Variants in SKI observed in about 807,000 individuals in gnomAD.
SKI encodes the protein SKI proto-oncogene, also known as ski oncogene.
A neutral mutation model predicts 59.3 loss-of-function variants in SKI; 23 were observed. The ratio of observed to expected loss-of-function variants is 0.39; its 90% confidence interval spans 0.28 to 0.55. The LOEUF is 0.55. Among genes scored for constraint, SKI ranks in the 20% least tolerant of loss-of-function variants. The probability of loss-of-function intolerance (pLI) is 0.67; values close to 1 mark genes in which losing one functional copy is unlikely to be tolerated. For missense variants in SKI, 1,017 were observed against 1,038.9 expected (o/e 0.98, Z 0.29); for synonymous variants, 673 against 488.6 (o/e 1.38, Z -4.98).
chr1:2,293,272 G>A (rs966133774), intron 1 of SKI, among the ~76,000 whole-genome samples: 2 of 152,208 alleles, frequency 1.3e-5, no homozygotes, highest in African/African-American at 2.4e-5. Flanking sequence ...CCTGAGGTTC[G>A]TGGTGGGATC....
At chr1:2,277,562 T>A (rs1639770416) in intron 1 of SKI, among the ~76,000 whole-genome samples, 1 of 152,214 alleles carries the variant, frequency 6.6e-6, no homozygotes, top group African/African-American at 2.4e-5. Context: ...CATGTGGAAC[T>A]GTAAGTCCAA....
rs1639580282 is a variant in SKI at position 2,269,906 on chromosome 1, TGGGTCTGGC to T, written c.970-33063_970-33055del. Among the ~76,000 whole-genome samples, 1 of 100,594 alleles carries T rather than the reference TGGGTCTGGC, an allele frequency of 9.9e-6. No homozygotes were observed. The highest frequency in any genetic ancestry group is 9.9e-5 in the Admixed American group (1 of 10,074). 66.0% of individuals were successfully genotyped at this position (100,594 alleles called of 152,430 possible). ...GGTCTCGTGGTGCCTGTGGCTGGCG[TGGGTCTGGC>T]GGGTCTGGTGGTGCCTGTGGCTGGC... On this transcript the variant is annotated intron_variant, in intron 1 of 6. Coordinates refer to ENST00000378536, the MANE Select transcript of SKI (RefSeq NM_003036.4). The surrounding 1 kb of genome is among the most constrained non-coding windows in gnomAD (Gnocchi z 4.7).
chr1:2,297,174 A>T lies in SKI; in HGVS notation c.970-5804A>T, dbSNP rs373535463. On this transcript the variant is annotated intron_variant, in intron 1 of 6. Coordinates refer to ENST00000378536, the MANE Select transcript of SKI (RefSeq NM_003036.4). ...CAGGCTGGAGTGTAGTGGTGGGATC[A>T]TACCTCACTGCAGCCTCGACCTTTT... Among the ~76,000 whole-genome samples the T allele has an allele frequency of 2.7e-4, 41 of 152,164 alleles. No individual in the cohort carries two copies. In the East Asian group the frequency reaches 7.2e-3, roughly 27 times the overall value.
intron 1 of SKI, among the ~76,000 whole-genome samples, chr1:2,293,754 C>T (rs972838069): frequency 1.3e-5 from 2 of 152,202 alleles, no homozygotes; most frequent in Non-Finnish European, 2.9e-5. Context: ...GTGGCTGCTG[C>T]CCGGCCTCTG....
chr1:2,283,128 G>T (rs183282728), intron 1 of SKI, among the ~76,000 whole-genome samples: 2 of 152,220 alleles, frequency 1.3e-5, no homozygotes, highest in African/African-American at 2.4e-5. Flanking sequence ...CGGCCCAACC[G>T]CCTTTGTCGG....
At chr1:2,273,672 G>A (rs1045322353) in intron 1 of SKI, among the ~76,000 whole-genome samples, 2 of 152,190 alleles carry the variant, frequency 1.3e-5, no homozygotes, top group Non-Finnish European at 2.9e-5. Flanking sequence ...TGCGACCAGA[G>A]TGTGGACCCA....
chr1:2,252,538 A>G (rs1639187212), intron 1 of SKI, among the ~76,000 whole-genome samples: 2 of 151,996 alleles, frequency 1.3e-5, no homozygotes, highest in African/African-American at 4.8e-5. Flanking sequence ...TTATTTCCAC[A>G]CTCGAGAGAA....
intron 1 of SKI, among the ~76,000 whole-genome samples, chr1:2,279,983 C>G (rs889158137): frequency 6.6e-6 from 1 of 152,172 alleles, no homozygotes; most frequent in Non-Finnish European, 1.5e-5. Context: ...GGCCCCACCC[C>G]CAGCCCTCCA....
intron 1 of SKI, among the ~76,000 whole-genome samples, chr1:2,284,113 C>T (rs1442791649): frequency 6.6e-6 from 1 of 152,214 alleles, no homozygotes; most frequent in East Asian, 1.9e-4. Context: ...TGGGGTCCAT[C>T]TCCTGTCCAC....
chr1:2,278,904 T>G (rs1366270650), intron 1 of SKI, among the ~76,000 whole-genome samples: 2 of 152,180 alleles, frequency 1.3e-5, no homozygotes, highest in Non-Finnish European at 2.9e-5. Flanking sequence ...CCCGAGTGCT[T>G]GCGCACCCCC....
intron 1 of SKI, among the ~76,000 whole-genome samples, chr1:2,233,998 C>T (rs1013292185): frequency 2.0e-5 from 3 of 152,178 alleles, no homozygotes; most frequent in Non-Finnish European, 4.4e-5. Flanking sequence ...GTGTTTGCTG[C>T]AAGTGTTTTT....
intron 1 of SKI, among the ~76,000 whole-genome samples, chr1:2,263,844 G>A (rs2100842577): frequency 6.8e-6 from 1 of 146,502 alleles, no homozygotes; most frequent in African/African-American, 2.6e-5. Context: ...TTCAGCCTGG[G>A]CGACAAAGCA....
At chr1:2,262,758 T>C (rs1204437016) in intron 1 of SKI, among the ~76,000 whole-genome samples, 1 of 152,174 alleles carries the variant, frequency 6.6e-6, no homozygotes, top group Non-Finnish European at 1.5e-5. Flanking sequence ...ATTATTAATA[T>C]GGTGAGTGTC....
At chr1:2,241,566 T>C (rs964978225) in intron 1 of SKI, among the ~76,000 whole-genome samples, 12 of 152,082 alleles carry the variant, frequency 7.9e-5, no homozygotes, top group Non-Finnish European at 1.3e-4. Context: ...CTAATTTTTT[T>C]GTGTTTTTAG....
chr1:2,279,622 G>A (rs1639827743), intron 1 of SKI, among the ~76,000 whole-genome samples: 1 of 152,104 alleles, frequency 6.6e-6, no homozygotes, highest in Non-Finnish European at 1.5e-5. Context: ...AGGGAGGGCT[G>A]AAGGGGGGAG....
At position 2,303,810 on chromosome 1, in the gene SKI, C is replaced by T. The variant is rs1274496120; in HGVS notation, c.1212-30C>T. ...TCTGGGTGGTGCTTGGGGACAGAGG[C>T]ACCTTCCCGACACCCGCCTGCCCCT... On this transcript the variant is annotated intron_variant, in intron 3 of 6. Transcript: ENST00000378536. This position sits in a 1 kb window ranked among gnomAD's most constrained non-coding sequence, Gnocchi z 5.6. 6.2e-7 allele frequency: 1 copy of T among 1,610,542 alleles called. No individual in the cohort carries two copies. Among genetic ancestry groups the T allele is most frequent in the Non-Finnish European group, 8.5e-7 (1 of 1,179,224 alleles).
Position 2,299,903 on chromosome 1 carries a change from G to C in SKI, c.970-3075G>C, listed in dbSNP as rs186207667. Among the ~76,000 whole-genome samples, 178 of 152,300 alleles carry C rather than the reference G, an allele frequency of 1.2e-3. 1 individual carries two copies. The highest frequency in any genetic ancestry group is 3.9e-3 in the African/African-American group (162 of 41,564). ...TTCTGAGACTCCCCCATGGGGAGCT[G>C]GTGGCTTGCTTGTGGCAGTGTACTG... is the stretch of plus-strand genomic sequence containing the variant. On this transcript the variant is annotated intron_variant, in intron 1 of 6. Transcript: ENST00000378536.
At chr1:2,286,662 G>A (rs948132859) in intron 1 of SKI, among the ~76,000 whole-genome samples, 1 of 152,206 alleles carries the variant, frequency 6.6e-6, no homozygotes, top group Non-Finnish European at 1.5e-5. Context: ...GTTGGAGTTC[G>A]CTTAACTCAC....
In SKI at chr1:2,303,922, A is replaced by C; in HGVS notation, c.1294A>C (p.Ser432Arg). ...GCCGGCCCAGCAGAAGGTTGTGAGC[A>C]GCCCTCCGTGTGCCGCCGCCGTCTC... is the stretch of plus-strand genomic sequence containing the variant. ...APPAQQKVVS[S>R]PPCAAAVSRA... The change falls in exon 4 of 7, where the codon AGC becomes CGC. Residue 432 changes from serine to arginine, a missense_variant. By Grantham distance (110) the Ser-to-Arg change is moderately radical. Transcript: ENST00000378536. This position sits in a 1 kb window ranked among gnomAD's most constrained non-coding sequence, Gnocchi z 5.6. The C allele has an allele frequency of 2.5e-6, 4 of 1,612,060 alleles. No individual in the cohort carries two copies. The highest frequency in any genetic ancestry group is 1.7e-6 in the Non-Finnish European group (2 of 1,179,698).
Sources: allele counts gnomAD v4.1 joint callset (sites outside exome capture counted in the v4.1 genomes callset), GRCh38; gene constraint gnomAD v4.1.1; non-coding constraint Gnocchi (gnomAD v3.1); transcripts MANE v1.5; gene names NCBI Gene and HGNC (gene_info 2026-07-23, HGNC 2026-07-21).